Variants in PCDHGB4 observed in about 807,000 individuals in gnomAD.
PCDHGB4 encodes protocadherin gamma-B4.
PCDHGB4 carries 38 observed loss-of-function variants against 60.5 expected under a neutral mutation model. That is an observed-to-expected ratio of 0.63 (90% CI 0.48 to 0.82). The LOEUF is 0.82. Ranked by LOEUF, PCDHGB4 falls within the 40% of genes least tolerant of loss-of-function variation. PCDHGB4 has a pLI of 0.00. For synonymous variants in PCDHGB4, 456 were observed against 509.7 expected (o/e 0.89, Z 1.42); for missense variants, 1,109 against 1,209.6 (o/e 0.92, Z 1.23).
chr5:141,505,348 G>C, intron 2 of PCDHGB4, 45 bp from the exon 3 acceptor site: 1 of 1,613,358 alleles, frequency 6.2e-7, no homozygotes, highest in Non-Finnish European at 8.5e-7. Flanking sequence ...GGCATGAGCT[G>C]TGCCGGCCTG....
intron 1 of PCDHGB4, chr5:141,398,027 T>G: frequency 6.9e-7 from 1 of 1,449,556 alleles, no homozygotes; most frequent in Non-Finnish European, 9.2e-7. Context: ...AAACTGGAAC[T>G]GGAACTAAAG....
chr5:141,436,035 A>G (rs957896521), intron 1 of PCDHGB4, among the ~76,000 whole-genome samples: 3 of 152,178 alleles, frequency 2.0e-5, no homozygotes, highest in Non-Finnish European at 4.4e-5. Flanking sequence ...CTAAATTTGT[A>G]TTTACATTAG....
rs187488785 is a variant in PCDHGB4 at position 141,461,744 on chromosome 5, C to T, written c.2398-33063C>T. 5.9e-5 allele frequency among the ~76,000 whole-genome samples: 9 copies of T among 152,302 alleles called. No individual in the cohort carries two copies. The East Asian group carries it at 1.7e-3, about 29-fold the overall frequency. On this transcript the variant is annotated intron_variant, in intron 1 of 3. Transcript: ENST00000519479. ...GGAGTGCAGTGGCACAATCCCGGCT[C>T]CCAGATTCAAGCGATTCTCCTGCCT...
chr5:141,511,003 G>T lies in PCDHGB4; in HGVS notation c.2602G>T (p.Ala868Ser), dbSNP rs114669158. ...GGGAGTMGLS[A>S]RYGPQFTLQH... The stretch of plus-strand genomic sequence containing the variant: ...GGGTGCCGGCACCATGGGATTGAGC[G>T]CCCGCTACGGACCCCAGTTCACCCT... Residue 868 changes from alanine to serine, a missense_variant, in exon 4 of 4, where the codon GCC (alanine) becomes TCC (serine). Coordinates refer to ENST00000519479, the MANE Select transcript of PCDHGB4 (RefSeq NM_003736.4). 2 of 1,614,032 alleles carry T rather than the reference G, an allele frequency of 1.2e-6. No individual in the cohort carries two copies. Among genetic ancestry groups the T allele is most frequent in the Non-Finnish European group, 1.7e-6 (2 of 1,180,020 alleles).
intron 1 of PCDHGB4, chr5:141,403,288 CAG>C: frequency 6.2e-7 from 1 of 1,613,878 alleles, no homozygotes; most frequent in Admixed American, 1.7e-5. Context: ...TGGTTGAAGA[CAG>C]AGTGAAACTG....
intron 1 of PCDHGB4, chr5:141,395,711 G>A (rs2093302364): frequency 1.3e-5 from 2 of 154,440 alleles, no homozygotes; most frequent in African/African-American, 4.8e-5. Context: ...CCTGTAACTA[G>A]GCTCTTGTAG....
Position 141,487,564 on chromosome 5 carries a change from G to A in PCDHGB4, c.2398-7243G>A, listed in dbSNP as rs1436847912. ...AGTCACCCAGTGCACCTATGGCAGG[G>A]GAGCCTGTTCGCCCAAGCTGCCCAC... On this transcript the variant is annotated intron_variant, in intron 1 of 3. Coordinates refer to ENST00000519479, the MANE Select transcript of PCDHGB4 (RefSeq NM_003736.4). This position sits in a 1 kb window ranked among gnomAD's most constrained non-coding sequence, Gnocchi z 5.0. 3 of 1,614,178 alleles carry A rather than the reference G, an allele frequency of 1.9e-6. No homozygotes were observed. Among genetic ancestry groups the A allele is most frequent in the Non-Finnish European group, 2.5e-6 (3 of 1,180,040 alleles).
chr5:141,415,786 A>ATT, intron 1 of PCDHGB4: 2 of 1,374,914 alleles, frequency 1.5e-6, no homozygotes, highest in Non-Finnish European at 1.9e-6. Flanking sequence ...TTCTGGTAAA[A>ATT]TTCACCTAGT....
intron 2 of PCDHGB4, among the ~76,000 whole-genome samples, chr5:141,501,333 A>ACACACC (rs1186649373): frequency 1.5e-4 from 21 of 140,134 alleles, no homozygotes; most frequent in African/African-American, 3.4e-4. Flanking sequence ...ACACACACAC[A>ACACACC]CCCCAAACTC....
intron 1 of PCDHGB4, chr5:141,430,556 C>A (rs1479639096): frequency 9.7e-6 from 4 of 413,394 alleles, no homozygotes; most frequent in African/African-American, 2.1e-5. Flanking sequence ...GTTCACCAAT[C>A]GGGGAGAGAA....
intron 1 of PCDHGB4, chr5:141,395,094 G>A (rs192995605): frequency 6.2e-7 from 1 of 1,614,160 alleles, no homozygotes; most frequent in African/African-American, 1.3e-5. Flanking sequence ...CTCCCTCACC[G>A]CCGACTCGCG....
chr5:141,431,670 T>C lies in PCDHGB4; in HGVS notation c.2397+41389T>C, dbSNP rs767342240. 1 of 1,614,070 alleles carries C rather than the reference T, an allele frequency of 6.2e-7. No homozygotes were observed. The highest frequency in any genetic ancestry group is 8.5e-7 in the Non-Finnish European group (1 of 1,180,026). On this transcript the variant is annotated intron_variant, in intron 1 of 3. Coordinates refer to ENST00000519479, the MANE Select transcript of PCDHGB4 (RefSeq NM_003736.4). This position sits in a 1 kb window ranked among gnomAD's most constrained non-coding sequence, Gnocchi z 4.8. ...TGTAATTCAGGGACAATATCAACAATAGGGGAGTTGGACCACGAGGAGTCA... is the reference window on the plus strand; with the variant it reads ...TGTAATTCAGGGACAATATCAACAACAGGGGAGTTGGACCACGAGGAGTCA...
chr5:141,419,999 C>T (rs369649545), intron 1 of PCDHGB4: 4 of 1,613,960 alleles, frequency 2.5e-6, no homozygotes, highest in Non-Finnish European at 3.4e-6. Flanking sequence ...TATTGCTCTA[C>T]GCCTGCGACA....
Position 141,387,738 on chromosome 5 carries a change from A to G in PCDHGB4, c.-147A>G, listed in dbSNP as rs972177545. On this transcript the variant is annotated 5_prime_UTR_variant, in exon 1 of 4. Transcript: ENST00000519479. ...CAGACTCCCCAGCGCCAGCCTTTAC[A>G]CCGCTTCCTCCTCGGAAAAAGAAGA... 7 of 1,322,274 alleles carry G rather than the reference A, an allele frequency of 5.3e-6. No individual in the cohort carries two copies. The Admixed American group carries it at 1.1e-4, about 21-fold the overall frequency. 81.9% of individuals were successfully genotyped at this position (1,322,274 alleles called of 1,614,324 possible).
At position 141,389,905 on chromosome 5, in the gene PCDHGB4, C is replaced by T. The variant is rs1254194844; in HGVS notation, c.2021C>T (p.Thr674Ile). 6.2e-7 allele frequency: 1 copy of T among 1,613,984 alleles called. No homozygotes were observed. The highest frequency in any genetic ancestry group is 8.5e-7 in the Non-Finnish European group (1 of 1,179,922). ...TTGCAGGAGGTGCTGCCGGATATCACTGACCGCCCCGACCCCTCTGACCTC... is the reference window on the plus strand; with the variant it reads ...TTGCAGGAGGTGCTGCCGGATATCATTGACCGCCCCGACCCCTCTGACCTC... Reference protein sequence around the residue: ...DSLQEVLPDITDRPDPSDLQA... With the variant: ...DSLQEVLPDIIDRPDPSDLQA... Residue 674 changes from threonine (T) to isoleucine (I), a missense_variant, in exon 1 of 4, where the codon ACT (threonine) becomes ATT (isoleucine). Coordinates refer to ENST00000519479, the MANE Select transcript of PCDHGB4 (RefSeq NM_003736.4).
At chr5:141,398,416 G>A (rs2093654818) in intron 1 of PCDHGB4, 3 of 1,496,580 alleles carry the variant, frequency 2.0e-6, no homozygotes, top group South Asian at 1.1e-5. Flanking sequence ...GGAGATATGC[G>A]GGAAGAAGCC....
intron 1 of PCDHGB4, among the ~76,000 whole-genome samples, chr5:141,466,246 A>G (rs1357175003): frequency 6.6e-6 from 1 of 152,100 alleles, no homozygotes; most frequent in Non-Finnish European, 1.5e-5. Flanking sequence ...TCATGGCTCA[A>G]TGCAGCCTTG....
chr5:141,398,643 C>G, intron 1 of PCDHGB4: 2 of 1,614,024 alleles, frequency 1.2e-6, no homozygotes, highest in Non-Finnish European at 1.7e-6. Context: ...AGTATAAACT[C>G]TCTCTTAACC....
At chr5:141,391,869 T>A (rs2092430763) in intron 1 of PCDHGB4, 2 of 152,218 alleles carry the variant, frequency 1.3e-5, no homozygotes, top group Admixed American at 1.3e-4. Flanking sequence ...AATTTAATCA[T>A]CTCTTTGGTG....
Sources: gnomAD v4.1 joint callset for allele counts (sites outside exome capture counted in the v4.1 genomes callset) on GRCh38, gnomAD v4.1.1 for gene constraint, Gnocchi (gnomAD v3.1) non-coding constraint, MANE v1.5 for transcripts, NCBI Gene and HGNC (gene_info 2026-07-23, HGNC 2026-07-21) for gene names.